The following ZNF44 variants were observed in gnomAD, a reference collection of about 807,000 sequenced individuals.
The protein encoded by ZNF44 is zinc finger protein 44, also known as gonadotropin inducible transcription repressor-2.
Under a neutral mutation model 11.7 loss-of-function variants are expected in ZNF44, and 9 were observed. The observed-to-expected ratio is 0.77, with a 90% confidence interval of 0.46 to 1.35. The LOEUF (loss-of-function observed/expected upper bound fraction) is 1.35, where lower values mean the gene tolerates loss of function less well. Among genes scored for constraint, ZNF44 ranks in the 40% most tolerant of loss-of-function variants. The probability of loss-of-function intolerance (pLI) is 0.00; values close to 1 mark genes in which losing one functional copy is unlikely to be tolerated. For synonymous variants in ZNF44, 224 were observed against 242.7 expected, an observed-to-expected ratio of 0.92 and a Z score of 0.72; for missense variants, 696 against 743.1, an observed-to-expected ratio of 0.94 and a Z score of 0.74.
chr19:12,234,603 C>A (rs1916304546), intron 2 of ZNF44: 1 of 152,182 alleles, frequency 6.6e-6, no homozygotes, highest in Non-Finnish European at 1.5e-5. Context: ...AATTTTGGAA[C>A]AGCACTGATG....
At chr19:12,274,266 C>CTTT (rs869093549) in intron 3 of ZNF44, among the ~76,000 whole-genome samples, 366 of 90,184 alleles carry the variant, frequency 4.1e-3, no homozygotes, top group Non-Finnish European at 5.3e-3. Flanking sequence ...ATTCTTAATT[C>CTTT]TTTTTTTTTT....
chr19:12,274,592 C>G (rs1418842269), intron 3 of ZNF44, among the ~76,000 whole-genome samples: 1 of 145,616 alleles, frequency 6.9e-6, no homozygotes, highest in African/African-American at 2.5e-5. Context: ...TTTTTTAAGA[C>G]AGGGTCTTGC....
At chr19:12,235,758 G>A (rs1916364065) in intron 1 of ZNF44, among the ~76,000 whole-genome samples, 1 of 152,130 alleles carries the variant, frequency 6.6e-6, no homozygotes, top group African/African-American at 2.4e-5. Flanking sequence ...GTTGTCCTCT[G>A]GGAGTGAACC....
At chr19:12,288,771 A>AAAATAT (rs1555744570) in intron 1 of ZNF44, among the ~76,000 whole-genome samples, 4 of 38,368 alleles carry the variant, frequency 1.0e-4, no homozygotes, top group African/African-American at 6.9e-4. Context: ...AAAAAAAAAA[A>AAAATAT]ATGTATATAT....
At chr19:12,286,356 C>T (rs1304593428) in intron 1 of ZNF44, among the ~76,000 whole-genome samples, 4 of 152,142 alleles carry the variant, frequency 2.6e-5, no homozygotes. Flanking sequence ...CCATTGGAGG[C>T]CGGGCGCGGT....
In ZNF44 at chr19:12,275,957, T is replaced by C; in HGVS notation, c.129A>G (p.Ile43Met). The C allele has an allele frequency of 6.2e-7, 1 of 1,601,394 alleles. No homozygotes were observed. Among genetic ancestry groups the C allele is most frequent in the Non-Finnish European group, 8.5e-7 (1 of 1,171,728 alleles). ...ATGAAGACATGATGTCATCCATACC[T>C]ATACAGTTCAGGTTCCTAATGGTTT... ...MRETIRNLNC[I>M]GMKWENQNID... is the part of the protein sequence containing the mutation. The change falls in exon 2 of 4, where the codon ATA (isoleucine) becomes ATG (methionine). Residue 43 changes from isoleucine to methionine, a missense_variant and splice_region_variant. Transcript: ENST00000355684.
At chr19:12,250,992 G>A (rs145964936) in intron 5 of ZNF44, among the ~76,000 whole-genome samples, 14 of 152,146 alleles carry the variant, frequency 9.2e-5, no homozygotes, top group East Asian at 3.9e-4. Context: ...TTGGGAGGCC[G>A]AGGCGGGCAG....
At chr19:12,255,132 A>ACACACCC (rs373440877) in intron 5 of ZNF44, among the ~76,000 whole-genome samples, 1 of 145,084 alleles carries the variant, frequency 6.9e-6, no homozygotes, top group African/African-American at 2.6e-5. Context: ...ACACACACAC[A>ACACACCC]CCCCTTTGTG....
intron 5 of ZNF44, among the ~76,000 whole-genome samples, chr19:12,253,135 C>T (rs960644366): frequency 1.3e-5 from 2 of 150,638 alleles, no homozygotes; most frequent in South Asian, 2.1e-4. Context: ...GTGATGTGCC[C>T]GCCTCAGCCG....
rs982356365 is a variant in ZNF44 at position 12,273,323 on chromosome 19, C to T, written c.932G>A (p.Cys311Tyr). Residue 311 changes from cysteine (C) to tyrosine (Y), a missense_variant, in exon 4 of 4, where the codon TGT becomes TAT. Physicochemically the swap from Cys to Tyr is radical, Grantham distance 194. Transcript: ENST00000355684. ...ACAAAACGCTTTCCCACACTGTTTACATGTATAGGGTTTCTCTCCAGTGTG... is the reference window on the plus strand; with the variant it reads ...ACAAAACGCTTTCCCACACTGTTTATATGTATAGGGTTTCTCTCCAGTGTG... ...RIHTGEKPYT[C>Y]KQCGKAFCHL... 1.2e-6 allele frequency: 2 copies of T among 1,613,810 alleles called. No individual in the cohort carries two copies. Among genetic ancestry groups the T allele is most frequent in the African/African-American group, 1.3e-5 (1 of 74,868 alleles).
At chr19:12,256,184 GGATTT>G (rs1917250943) in intron 5 of ZNF44, among the ~76,000 whole-genome samples, 1 of 152,008 alleles carries the variant, frequency 6.6e-6, no homozygotes, top group African/African-American at 2.4e-5. Context: ...CAGCATAACT[GGATTT>G]AATTAAAATT....
chr19:12,248,282 G>C (rs1161159276), exon 8 of ZNF44: 2 of 1,296,470 alleles, frequency 1.5e-6, no homozygotes, highest in Non-Finnish European at 2.0e-6. Flanking sequence ...TACACTTAAA[G>C]GGTTTATCTC....
Position 12,294,763 on chromosome 19 carries a change from G to A in ZNF44, c.-69C>T, listed in dbSNP as rs1366950751. 5.9e-6 allele frequency: 9 copies of A among 1,525,186 alleles called. No homozygotes were observed. Among genetic ancestry groups the A allele is most frequent in the African/African-American group, 1.4e-5 (1 of 70,964 alleles). 94.5% of individuals were successfully genotyped at this position (1,525,186 alleles called of 1,614,324 possible). ...CAGGGTAGGTCCCAGCGCGACAAAA[G>A]CCACCACAGATGTCCCAGGGCGTCT... On this transcript the variant is annotated 5_prime_UTR_variant, in exon 1 of 4. Transcript: ENST00000355684.
rs71166664 is a variant in ZNF44, at chr19:12,292,855, G to GTTTTTTT, written c.3+1830_3+1836dup. 1.3e-4 allele frequency among the ~76,000 whole-genome samples: 10 copies of GTTTTTTT among 76,934 alleles called. 1 individual carries two copies. Among genetic ancestry groups the GTTTTTTT allele is most frequent in the South Asian group, 5.6e-4 (1 of 1,784 alleles). The allele number at this position is 76,934 out of a possible 152,430, so 50.5% of individuals were successfully genotyped here. A position where few individuals can be genotyped will look rare whatever the true frequency, so the allele number is the denominator to read the frequency against. ...AAAATGTCAATGTCCCAGAGGTTAG[G>GTTTTTTT]TTTTTTTTTTTTTTTTTTTTTTTTT... On this transcript the variant is annotated intron_variant, in intron 1 of 3. Coordinates refer to ENST00000355684, the MANE Select transcript of ZNF44 (RefSeq NM_016264.4).
intron 1 of ZNF44, among the ~76,000 whole-genome samples, chr19:12,290,341 T>G (rs1967953018): frequency 6.9e-6 from 1 of 144,942 alleles, no homozygotes; most frequent in Admixed American, 7.0e-5. Flanking sequence ...GCCAAGATCA[T>G]GCCGTTGCAG....
downstream of ZNF44, among the ~76,000 whole-genome samples, chr19:12,245,052 C>T (rs1271343292): frequency 1.3e-5 from 2 of 152,142 alleles, no homozygotes; most frequent in African/African-American, 4.8e-5. Flanking sequence ...TGCTTTGTTC[C>T]TGTGGTATTC....
downstream of ZNF44, among the ~76,000 whole-genome samples, chr19:12,268,740 ATTT>A (rs34705958): frequency 1.1e-4 from 15 of 137,544 alleles, no homozygotes; most frequent in Non-Finnish European, 1.9e-4. Flanking sequence ...TGCCTGGCTA[ATTT>A]TTTTTTTTTT....
chr19:12,260,318 G>T, intron 5 of ZNF44: 2 of 883,586 alleles, frequency 2.3e-6, no homozygotes, highest in Non-Finnish European at 1.9e-6. Context: ...TGGTCACGAA[G>T]CAGAGATCCG....
At chr19:12,279,853 C>G (rs935026594) in intron 1 of ZNF44, among the ~76,000 whole-genome samples, 3 of 81,196 alleles carry the variant, frequency 3.7e-5, no homozygotes, top group African/African-American at 2.1e-4. Context: ...TTGAAATTAC[C>G]TGGTCTGAGT....
Sources: gnomAD v4.1 joint callset for allele counts (sites outside exome capture counted in the v4.1 genomes callset) on GRCh38, gnomAD v4.1.1 for gene constraint, MANE v1.5 for transcripts, NCBI Gene and HGNC (gene_info 2026-07-23, HGNC 2026-07-21) for gene names.